The following RYR3 variants were observed in gnomAD, a reference collection of about 807,000 sequenced individuals.
RYR3 encodes the protein brain ryanodine receptor-calcium release channel.
RYR3 carries 207 observed loss-of-function variants against 584.3 expected under a neutral mutation model. The observed-to-expected ratio is 0.35, with a 90% CI of 0.32 to 0.40. The LOEUF (loss-of-function observed/expected upper bound fraction) is 0.40. RYR3 is among the 10% of genes least tolerant of loss of function. The pLI is 1.00. For missense variants in RYR3, 5,616 were observed against 6,089.2 expected (o/e 0.92, Z 2.59); for synonymous variants, 2,416 against 2,248.5 (o/e 1.07, Z -2.11).
intron 41 of RYR3, 71 bp from the exon 42 acceptor site, chr15:33,700,906 A>C: frequency 9.5e-7 from 1 of 1,056,678 alleles, no homozygotes; most frequent in Non-Finnish European, 1.4e-6. Context: ...GCTTACGTGC[A>C]CTGCAGTCTC....
rs1490128710 is a variant in RYR3, at chr15:33,865,222, G to A, written c.14609G>A (p.Gly4870Glu). 1.2e-6 allele frequency: 2 copies of A among 1,610,502 alleles called. No individual in the cohort carries two copies. The highest frequency in any genetic ancestry group is 1.1e-5 in the South Asian group (1 of 90,794). ...CGTAAACAATATGAAGATCAGCTTG[G>A]ATAAATCTGAATCAAAGAAGCGCGA... ...CFRKQYEDQL[G>E] is the part of the protein sequence containing the mutation. The change falls in exon 104 of 104, where the codon GGA becomes GAA. Residue 4870 changes from glycine (G) to glutamate (E), a missense_variant. By Grantham distance (98) the Gly-to-Glu change is moderately conservative. Coordinates refer to ENST00000634891, the MANE Select transcript of RYR3 (RefSeq NM_001036.6).
chr15:33,508,591 A>G (rs750426229), intron 3 of RYR3, among the ~76,000 whole-genome samples: 5 of 152,216 alleles, frequency 3.3e-5, no homozygotes, highest in East Asian at 3.8e-4. Flanking sequence ...TGGAGCTTGC[A>G]GTGAGCTGAG....
chr15:33,318,397 C>T (rs1422710334), intron 1 of RYR3, among the ~76,000 whole-genome samples: 1 of 152,192 alleles, frequency 6.6e-6, no homozygotes, highest in East Asian at 1.9e-4. Flanking sequence ...AGAAATTCCC[C>T]CTATTAAAAT....
intron 38 of RYR3, among the ~76,000 whole-genome samples, chr15:33,686,716 AG>A (rs1286679252): frequency 2.6e-5 from 4 of 152,230 alleles, no homozygotes; most frequent in Admixed American, 1.3e-4. Flanking sequence ...CACATCAAAA[AG>A]CTTATCCAAT....
intron 32 of RYR3, among the ~76,000 whole-genome samples, chr15:33,655,067 A>G (rs1566884907): frequency 6.6e-6 from 1 of 152,216 alleles, no homozygotes; most frequent in Non-Finnish European, 1.5e-5. Context: ...CCTGCAGTGC[A>G]TGACCCTCTC....
At chr15:33,722,220 T>A (rs8037864) in intron 43 of RYR3, among the ~76,000 whole-genome samples, 1 of 152,048 alleles carries the variant, frequency 6.6e-6, no homozygotes, top group Non-Finnish European at 1.5e-5. Context: ...TTGCATGCCC[T>A]CATTGAGGTA....
intron 2 of RYR3, among the ~76,000 whole-genome samples, chr15:33,500,897 C>G (rs1334756655): frequency 1.3e-5 from 2 of 152,192 alleles, no homozygotes; most frequent in African/African-American, 4.8e-5. Flanking sequence ...ATTCATGTCA[C>G]AAGTTTTTCG....
chr15:33,564,760 C>T (rs897285896), intron 11 of RYR3, among the ~76,000 whole-genome samples: 1 of 152,152 alleles, frequency 6.6e-6, no homozygotes, highest in African/African-American at 2.4e-5. Flanking sequence ...CATGCCTTCT[C>T]TTCTAGGACC....
chr15:33,836,053 T>G (rs184271998), intron 87 of RYR3, among the ~76,000 whole-genome samples: 4 of 152,094 alleles, frequency 2.6e-5, no homozygotes, highest in African/African-American at 9.7e-5. Flanking sequence ...ACACCATAGG[T>G]GATGAAGATT....
chr15:33,717,748 G>T (rs574190466), intron 43 of RYR3, among the ~76,000 whole-genome samples: 1 of 152,160 alleles, frequency 6.6e-6, no homozygotes, highest in African/African-American at 2.4e-5. Context: ...GGTCTGCGGG[G>T]GTGGCTCTGT....
rs551867448 is a variant in RYR3, at chr15:33,704,199, G to T, written c.6484-2720G>T. On this transcript the variant is annotated intron_variant, in intron 42 of 103. Coordinates refer to ENST00000634891, the MANE Select transcript of RYR3 (RefSeq NM_001036.6). Reference sequence around the variant, plus strand: ...TGAGGCAGGAGAATTGTTTGATCCCGGGAGGCAGAGGTTGCAGTGAGCCGA... The same window carrying T: ...TGAGGCAGGAGAATTGTTTGATCCCTGGAGGCAGAGGTTGCAGTGAGCCGA... Among the ~76,000 whole-genome samples the T allele has an allele frequency of 5.3e-3, 805 of 151,846 alleles. 6 individuals are homozygous for T. The highest frequency in any genetic ancestry group is 0.019 in the African/African-American group (773 of 41,378).
intron 94 of RYR3, chr15:33,850,662 C>A (rs1431609587): frequency 1.3e-4 from 19 of 151,864 alleles, no homozygotes; most frequent in Non-Finnish European, 1.3e-4. Context: ...TCTTTTTAAA[C>A]ATTTTACTTT....
chr15:33,337,934 ATTTTTTTTTT>A lies in RYR3; in HGVS notation c.51+26857_51+26866del, dbSNP rs199625940. 6.1e-3 allele frequency among the ~76,000 whole-genome samples: 693 copies of A among 113,592 alleles called. 11 individuals carry two copies. Among genetic ancestry groups the A allele is most frequent in the African/African-American group, 0.024 (655 of 27,642 alleles). 74.5% of individuals were successfully genotyped at this position (113,592 alleles called of 152,430 possible). ...AGACAAGTCTCAATCATTTTAGGAG[ATTTTTTTTTT>A]TTTTTTTTTTTTTTTTTTGAGACTG... On this transcript the variant is annotated intron_variant, in intron 1 of 103. Coordinates refer to ENST00000634891, the MANE Select transcript of RYR3 (RefSeq NM_001036.6).
rs1276270997 is a variant in RYR3, at chr15:33,748,487, C to G, written c.8156C>G (p.Ala2719Gly). The G allele has an allele frequency of 6.2e-7, 1 of 1,613,424 alleles. No individual in the cohort carries two copies. The highest frequency in any genetic ancestry group is 8.5e-7 in the Non-Finnish European group (1 of 1,179,710). Residue 2719 changes from alanine (A) to glycine (G), a missense_variant, in exon 55 of 104, where the codon GCT (alanine) becomes GGT (glycine). By Grantham distance (60) the Ala-to-Gly change is moderately conservative. This residue lies in a region of RYR3 where 1,280 missense variants were observed against 1,426.2 expected (regional missense o/e 0.90). Coordinates refer to ENST00000634891, the MANE Select transcript of RYR3 (RefSeq NM_001036.6). ...TCCTAGGGCAACAGCTACAGTCCTG[C>G]TCCCCTCGACCTCTCAAACGTTGTG... is the stretch of plus-strand genomic sequence containing the variant. ...QANQGNSYSP[A>G]PLDLSNVVLS...
chr15:33,841,769 C>A, intron 90 of RYR3, 95 bp from the exon 91 acceptor site: 6 of 1,257,580 alleles, frequency 4.8e-6, no homozygotes, highest in Non-Finnish European at 6.5e-6. Flanking sequence ...TACCTCCCGG[C>A]CCTCTCAATC....
chr15:33,815,719 T>G (rs2076781975), intron 74 of RYR3: 1 of 393,530 alleles, frequency 2.5e-6, no homozygotes, highest in East Asian at 3.6e-5. Context: ...CTCCACCTTG[T>G]GATCATCTAA....
At chr15:33,397,870 A>AG in intron 1 of RYR3, among the ~76,000 whole-genome samples, 1 of 152,096 alleles carries the variant, frequency 6.6e-6, no homozygotes, top group Admixed American at 6.5e-5. Flanking sequence ...ACCACAGAAG[A>AG]GGGGGGTGTA....
At chr15:33,731,395 T>C in intron 47 of RYR3, 79 bp from the exon 48 acceptor site, 1 of 987,214 alleles carries the variant, frequency 1.0e-6, no homozygotes, top group Non-Finnish European at 1.6e-6. Flanking sequence ...CACAGCTTGC[T>C]ACATGGGAAC....
At position 33,332,908 on chromosome 15, in the gene RYR3, C is replaced by G. The variant is rs1970524201; in HGVS notation, c.51+21812C>G. ...ACTATTTACTGTCAGAACTCTGTTGCAACTACTCAACTTTGTTTTTGTAGC... is the reference window on the plus strand; with the variant it reads ...ACTATTTACTGTCAGAACTCTGTTGGAACTACTCAACTTTGTTTTTGTAGC... On this transcript the variant is annotated intron_variant, in intron 1 of 103. Transcript: ENST00000634891. Among the ~76,000 whole-genome samples, 3 of 152,046 alleles carry G rather than the reference C, an allele frequency of 2.0e-5. 1 individual carries two copies. The highest frequency in any genetic ancestry group is 2.0e-4 in the Admixed American group (3 of 15,266).
Sources: gnomAD v4.1 joint callset for allele counts (sites outside exome capture counted in the v4.1 genomes callset) on GRCh38, gnomAD v4.1.1 for gene constraint, gnomAD v4.1.1 regional missense constraint, MANE v1.5 for transcripts, NCBI Gene and HGNC (gene_info 2026-07-23, HGNC 2026-07-21) for gene names.